TSHZ3: variants seen among roughly 807,000 people sequenced by gnomAD.
TSHZ3 encodes teashirt homolog 3.
In TSHZ3, 10 loss-of-function variants were observed where a neutral mutation model predicts 64.5. The observed-to-expected ratio is 0.16, with a 90% confidence interval of 0.10 to 0.26. TSHZ3 has a LOEUF of 0.26. Among genes scored for constraint, TSHZ3 ranks in the 10% least tolerant of loss-of-function variants. The probability of loss-of-function intolerance (pLI) is 1.00; values close to 1 mark genes in which losing one functional copy is unlikely to be tolerated. For missense variants in TSHZ3, 1,242 were observed against 1,421.7 expected (o/e 0.87, Z 2.03); for synonymous variants, 608 against 593.1 (o/e 1.03, Z -0.36).
intron 1 of TSHZ3, among the ~76,000 whole-genome samples, chr19:31,249,786 C>G (rs1975811162): frequency 6.6e-6 from 1 of 152,182 alleles, no homozygotes; most frequent in Non-Finnish European, 1.5e-5. Context: ...CTTCATCTCC[C>G]CAACCCCAGC....
At chr19:31,322,416 C>A (rs990648800) in intron 1 of TSHZ3, among the ~76,000 whole-genome samples, 2 of 152,030 alleles carry the variant, frequency 1.3e-5, no homozygotes, top group Non-Finnish European at 2.9e-5. Context: ...CCGTGCCTAG[C>A]CTTATGTATG....
At chr19:31,318,184 A>T (rs1275183457) in intron 1 of TSHZ3, among the ~76,000 whole-genome samples, 2 of 152,164 alleles carry the variant, frequency 1.3e-5, no homozygotes, top group Admixed American at 1.3e-4. Flanking sequence ...TCTTTGTGTT[A>T]TTGTAATTTT....
At chr19:31,308,891 G>A (rs1037571123) in intron 1 of TSHZ3, among the ~76,000 whole-genome samples, 12 of 152,204 alleles carry the variant, frequency 7.9e-5, no homozygotes, top group Non-Finnish European at 1.5e-4. Flanking sequence ...ACCACGAGGC[G>A]TTCATAACAG....
In TSHZ3 at chr19:31,277,857, A is replaced by C. The variant is rs773338367; in HGVS notation, c.1936T>G (p.Cys646Gly). Residue 646 changes from cysteine (C) to glycine (G), a missense_variant, in exon 2 of 2, where the codon TGT (cysteine) becomes GGT (glycine). Physicochemically the swap from Cys to Gly is radical, Grantham distance 159 (BLOSUM62 -3). Transcript: ENST00000240587. The surrounding 1 kb of genome is among the most constrained non-coding windows in gnomAD (Gnocchi z 4.5). Reference protein sequence around the residue: ...SPPKRATPSPCSSEVGEPIKM... With the variant: ...SPPKRATPSPGSSEVGEPIKM... ...ATGGGTTCCCCGACTTCGCTGCTACATGGGGAGGGAGTGGCCCGCTTGGGC... is the reference window on the plus strand; with the variant it reads ...ATGGGTTCCCCGACTTCGCTGCTACCTGGGGAGGGAGTGGCCCGCTTGGGC... 1 of 1,598,218 alleles carries C rather than the reference A, an allele frequency of 6.3e-7. No homozygotes were observed. The highest frequency in any genetic ancestry group is 1.1e-5 in the South Asian group (1 of 88,020).
chr19:31,153,995 T>C (rs1974271748), intron 6 of TSHZ3, among the ~76,000 whole-genome samples: 1 of 152,256 alleles, frequency 6.6e-6, no homozygotes, highest in Admixed American at 6.5e-5. Flanking sequence ...ACCAGGAGAC[T>C]GACTTTGGCC....
At chr19:31,191,278 A>G (rs1055859920) in intron 5 of TSHZ3, among the ~76,000 whole-genome samples, 3 of 152,232 alleles carry the variant, frequency 2.0e-5, no homozygotes, top group Non-Finnish European at 2.9e-5. Context: ...CACAAAAAAA[A>G]TCATAAAAGC....
chr19:31,301,576 C>G (rs1050426054), intron 1 of TSHZ3, among the ~76,000 whole-genome samples: 5 of 152,178 alleles, frequency 3.3e-5, no homozygotes, highest in African/African-American at 1.2e-4. Flanking sequence ...AAGGCACTGG[C>G]CCTGTGCTGG....
intron 1 of TSHZ3, among the ~76,000 whole-genome samples, chr19:31,285,204 G>A (rs1976434786): frequency 6.6e-6 from 1 of 152,202 alleles, no homozygotes; most frequent in Non-Finnish European, 1.5e-5. Context: ...TTATCGGCCA[G>A]GTGCAGTAGC....
downstream of TSHZ3, among the ~76,000 whole-genome samples, chr19:31,272,899 C>T (rs1173913911): frequency 6.6e-6 from 1 of 152,160 alleles, no homozygotes; most frequent in Non-Finnish European, 1.5e-5. Flanking sequence ...GGCAACATCC[C>T]CCCTCCTCCC....
chr19:31,308,033 A>G (rs769338502), intron 1 of TSHZ3, among the ~76,000 whole-genome samples: 10 of 152,254 alleles, frequency 6.6e-5, no homozygotes, highest in Non-Finnish European at 1.2e-4. Context: ...TCGGGAGCCC[A>G]GCAAATTGCT....
intron 1 of TSHZ3, among the ~76,000 whole-genome samples, chr19:31,344,871 G>A (rs1357531732): frequency 5.9e-5 from 9 of 152,332 alleles, no homozygotes; most frequent in Non-Finnish European, 8.8e-5. Context: ...AAAGGCAGAC[G>A]TGTGAGGCAA....
At chr19:31,304,002 T>G (rs1976799378) in intron 1 of TSHZ3, among the ~76,000 whole-genome samples, 1 of 150,764 alleles carries the variant, frequency 6.6e-6, no homozygotes, top group Non-Finnish European at 1.5e-5. Flanking sequence ...TGAGATGGAG[T>G]CTTGCTCTGT....
chr19:31,195,547 T>C (rs1974976713), intron 5 of TSHZ3: 1 of 115,686 alleles, frequency 8.6e-6, no homozygotes, highest in South Asian at 3.0e-4. Context: ...AACCAAAATG[T>C]AGGGATTCTT....
chr19:31,321,485 T>C (rs1435521166), intron 1 of TSHZ3, among the ~76,000 whole-genome samples: 1 of 152,230 alleles, frequency 6.6e-6, no homozygotes, highest in Non-Finnish European at 1.5e-5. Flanking sequence ...TTATGAAATC[T>C]AAACATGGAG....
chr19:31,278,423 T>C lies in TSHZ3; in HGVS notation c.1370A>G (p.Asn457Ser), dbSNP rs756637418. ...LAATTFTSPS[N>S]TPASISPKLN... is the part of the protein sequence containing the mutation. ...TTTTGGGGAGATGCTGGCAGGTGTA[T>C]TGGAGGGGGACGTGAAGGTGGTGGC... Residue 457 changes from asparagine (N) to serine (S), a missense_variant, in exon 2 of 2, where the codon AAT becomes AGT. Transcript: ENST00000240587. The surrounding 1 kb of genome is among the most constrained non-coding windows in gnomAD (Gnocchi z 4.7). 3.8e-5 allele frequency: 62 copies of C among 1,614,178 alleles called. No homozygotes were observed. The highest frequency in any genetic ancestry group is 5.0e-5 in the Non-Finnish European group (59 of 1,180,034).
At chr19:31,238,131 C>A (rs1349537270) in intron 3 of TSHZ3, among the ~76,000 whole-genome samples, 4 of 151,956 alleles carry the variant, frequency 2.6e-5, no homozygotes, top group Admixed American at 6.6e-5. Context: ...TTATATTAAT[C>A]TTTGACATCT....
chr19:31,341,226 A>G (rs1223452287), intron 1 of TSHZ3, among the ~76,000 whole-genome samples: 1 of 152,170 alleles, frequency 6.6e-6, no homozygotes, highest in Non-Finnish European at 1.5e-5. Flanking sequence ...CAAGTTTCCT[A>G]CCCCACCACA....
intron 5 of TSHZ3, among the ~76,000 whole-genome samples, chr19:31,163,768 A>G (rs1974403056): frequency 6.6e-6 from 1 of 152,158 alleles, no homozygotes; most frequent in African/African-American, 2.4e-5. Context: ...CTATGGCCCC[A>G]GTGAGGAACA....
chr19:31,255,890 T>C (rs1975903410), intron 1 of TSHZ3, among the ~76,000 whole-genome samples: 1 of 151,916 alleles, frequency 6.6e-6, no homozygotes, highest in Admixed American at 6.6e-5. Context: ...GGGTGATGAG[T>C]GAGGTGTTTG....
Sources: allele counts gnomAD v4.1 joint callset (sites outside exome capture counted in the v4.1 genomes callset), GRCh38; gene constraint gnomAD v4.1.1; non-coding constraint Gnocchi (gnomAD v3.1); transcripts MANE v1.5; gene names NCBI Gene and HGNC (gene_info 2026-07-23, HGNC 2026-07-21).